ZNF841: variants seen among roughly 807,000 people sequenced by gnomAD.
The protein encoded by ZNF841 is zinc finger protein 841.
A neutral mutation model predicts 13.0 loss-of-function variants in ZNF841; 11 were observed. The observed-to-expected ratio is 0.85, with a 90% confidence interval of 0.53 to 1.40. The LOEUF (loss-of-function observed/expected upper bound fraction) is 1.40, where lower values mean the gene tolerates loss of function less well. Among genes scored for constraint, ZNF841 ranks in the 40% most tolerant of loss-of-function variants. ZNF841 has a pLI of 0.00. For synonymous variants in ZNF841, 369 were observed against 381.6 expected (o/e 0.97, Z 0.38); for missense variants, 1,068 against 1,139.5 (o/e 0.94, Z 0.90).
chr19:52,065,965 G>A lies in ZNF841; in HGVS notation c.1917C>T (p.Cys639=). 6.2e-7 allele frequency: 1 copy of A among 1,613,510 alleles called. No homozygotes were observed. The highest frequency in any genetic ancestry group is 8.5e-7 in the Non-Finnish European group (1 of 1,179,852). Residue 639 remains cysteine (C), a synonymous_variant, in exon 7 of 7, where the codon TGC becomes TGT. Coordinates refer to ENST00000594440, the MANE Select transcript of ZNF841 (RefSeq NM_001136499.2). The part of the protein sequence containing the change: ...ECGKVFSYYS[C]LARHRKIHTG... ...TATGAATTTTCCGATGACGTGCTAG[G>A]CATGAGTAGTAACTGAAGACCTTGC...
In ZNF841 at chr19:52,067,027, T is replaced by G. The variant is rs758482990; in HGVS notation, c.855A>C (p.Thr285=). ...ACTCATTGCATCTGTAAGGTTTCTC[T>G]GTAGTATGTATCATCTGATGATTAA... ...SLINHQMIHT[T]EKPYRCNESG... is the part of the protein sequence containing the mutation. The change falls in exon 7 of 7, where the codon ACA becomes ACC. Residue 285 remains threonine (T), a synonymous_variant. Transcript: ENST00000594440. 6.2e-7 allele frequency: 1 copy of G among 1,613,854 alleles called. No homozygotes were observed. The highest frequency in any genetic ancestry group is 2.2e-5 in the East Asian group (1 of 44,882).
At chr19:52,073,974 C>G (rs1359501606) in intron 6 of ZNF841, among the ~76,000 whole-genome samples, 1 of 152,114 alleles carries the variant, frequency 6.6e-6, no homozygotes, top group Admixed American at 6.5e-5. Flanking sequence ...AAAAATTATG[C>G]TCAAGATATT....
rs1305041373 is a variant in ZNF841 at position 52,065,700 on chromosome 19, G to T, written c.2182C>A (p.Gln728Lys). Reference protein sequence around the residue: ...FSHKTSLVYHQRRHTGEMPYK... With the variant: ...FSHKTSLVYHKRRHTGEMPYK... Reference sequence around the variant, plus strand: ...GGCATCTCTCCAGTATGTCTTCTCTGATGGTACACCAGACTTGTTTTATGA... The same window carrying T: ...GGCATCTCTCCAGTATGTCTTCTCTTATGGTACACCAGACTTGTTTTATGA... The change falls in exon 7 of 7, where the codon CAG becomes AAG. Residue 728 changes from glutamine to lysine, a missense_variant. Gln to Lys is a moderately conservative substitution (Grantham distance 53). Transcript: ENST00000594440. The T allele has an allele frequency of 3.5e-5, 56 of 1,603,098 alleles. No homozygotes were observed. The highest frequency in any genetic ancestry group is 4.7e-5 in the Non-Finnish European group (55 of 1,174,260).
chr19:52,069,406 G>C (rs939541938), intron 6 of ZNF841, among the ~76,000 whole-genome samples: 1 of 152,014 alleles, frequency 6.6e-6, no homozygotes, highest in Admixed American at 6.6e-5. Context: ...CAGTTCCTTG[G>C]CCACAAAATA....
chr19:52,066,129 C>T lies in ZNF841; in HGVS notation c.1753G>A (p.Ala585Thr). 1.2e-6 allele frequency: 2 copies of T among 1,613,440 alleles called. No homozygotes were observed. Among genetic ancestry groups the T allele is most frequent in the African/African-American group, 1.3e-5 (1 of 74,784 alleles). The change falls in exon 7 of 7, where the codon GCA becomes ACA. Residue 585 changes from alanine to threonine, a missense_variant. Physicochemically the swap from Ala to Thr is moderately conservative, Grantham distance 58. Coordinates refer to ENST00000594440, the MANE Select transcript of ZNF841 (RefSeq NM_001136499.2). ...GMVFTYYSCL[A>T]RHQRMHTGEK... is the part of the protein sequence containing the mutation. ...CCGGTATGCATTCTTTGATGACGTG[C>T]TAGGCATGAATAGTAAGTGAAGACC...
chr19:52,075,773 A>G (rs189563426), intron 6 of ZNF841, among the ~76,000 whole-genome samples: 52 of 152,318 alleles, frequency 3.4e-4, no homozygotes, highest in Middle Eastern at 3.4e-3. Flanking sequence ...CCCATGCCAC[A>G]GAGTCAAAGC....
At chr19:52,059,835 C>T (rs1036369060), downstream of ZNF841, among the ~76,000 whole-genome samples, 3 of 152,192 alleles carry the variant, frequency 2.0e-5, no homozygotes, top group Non-Finnish European at 4.4e-5. Flanking sequence ...CTTTGCAAAC[C>T]TCTACCTTTT....
At chr19:52,063,064 A>G (rs1374637901), downstream of ZNF841, among the ~76,000 whole-genome samples, 2 of 151,862 alleles carry the variant, frequency 1.3e-5, no homozygotes, top group Non-Finnish European at 2.9e-5. Flanking sequence ...TTTAGTAGAG[A>G]CGGGGTTTCA....
At chr19:52,092,956 TA>T (rs1451219986) in intron 2 of ZNF841, among the ~76,000 whole-genome samples, 1 of 152,094 alleles carries the variant, frequency 6.6e-6, no homozygotes, top group Non-Finnish European at 1.5e-5. Context: ...CTGTCTCTAC[TA>T]AAAACACAAA....
intron 4 of ZNF841, among the ~76,000 whole-genome samples, chr19:52,079,126 G>A (rs950008276): frequency 6.6e-6 from 1 of 151,748 alleles, no homozygotes; most frequent in South Asian, 2.1e-4. Flanking sequence ...ATACTAGGCT[G>A]GAGAAAATGG....
intron 1 of ZNF841, among the ~76,000 whole-genome samples, chr19:52,094,837 A>G (rs2088617398): frequency 6.6e-6 from 1 of 151,120 alleles, no homozygotes; most frequent in Non-Finnish European, 1.5e-5. Context: ...GCTGCCCTTC[A>G]TCTCTCTGAA....
intron 4 of ZNF841, among the ~76,000 whole-genome samples, chr19:52,082,340 T>C (rs573170049): frequency 6.6e-6 from 1 of 152,166 alleles, no homozygotes; most frequent in South Asian, 2.1e-4. Flanking sequence ...ATGGAGAGGT[T>C]TGCCAATCTT....
At chr19:52,072,143 G>A (rs2087755198) in intron 6 of ZNF841, among the ~76,000 whole-genome samples, 1 of 152,196 alleles carries the variant, frequency 6.6e-6, no homozygotes, top group Non-Finnish European at 1.5e-5. Flanking sequence ...AATTCACTAG[G>A]AGGATATAAC....
At chr19:52,093,630 T>C (rs1281128377) in intron 2 of ZNF841, among the ~76,000 whole-genome samples, 2 of 152,202 alleles carry the variant, frequency 1.3e-5, no homozygotes, top group Non-Finnish European at 1.5e-5. Context: ...GTTCAAAAAA[T>C]GATGGCACTT....
chr19:52,061,969 C>G (rs544939855), downstream of ZNF841, among the ~76,000 whole-genome samples: 1 of 152,118 alleles, frequency 6.6e-6, no homozygotes, highest in South Asian at 2.1e-4. Context: ...CTACTAAGTC[C>G]CCCAAACACT....
intron 2 of ZNF841, among the ~76,000 whole-genome samples, chr19:52,090,650 GGAAGGAAAGAAAGAAAGAAAGAAAGAAA>G (rs1468685102): frequency 1.7e-5 from 1 of 58,922 alleles, no homozygotes; most frequent in East Asian, 4.4e-4. Flanking sequence ...AAGGAAGGAA[GGAAGGAAAGAAAGAAAGAAAGAAAGAAA>G]GAAAGAAAGA....
chr19:52,076,263 T>C (rs2087898251), intron 5 of ZNF841, 91 bp from the exon 6 acceptor site: 1 of 1,439,614 alleles, frequency 6.9e-7, no homozygotes, highest in Admixed American at 2.5e-5. Flanking sequence ...CAGTTGAATC[T>C]ACAAAATATT....
At chr19:52,089,690 C>G (rs2088406873) in intron 2 of ZNF841, among the ~76,000 whole-genome samples, 1 of 151,940 alleles carries the variant, frequency 6.6e-6, no homozygotes, top group South Asian at 2.1e-4. Flanking sequence ...ACTCATAATC[C>G]CACTTCCAAG....
chr19:52,058,572 A>C, the ZNF841 span: 2 of 152,294 alleles, frequency 1.3e-5, no homozygotes, highest in African/African-American at 4.8e-5. Context: ...TAATTTCCTC[A>C]TGCTAAAAAC....
Sources: gnomAD v4.1 joint callset for allele counts (sites outside exome capture counted in the v4.1 genomes callset) on GRCh38, gnomAD v4.1.1 for gene constraint, MANE v1.5 for transcripts, NCBI Gene and HGNC (gene_info 2026-07-23, HGNC 2026-07-21) for gene names.